METRNL: variants seen among roughly 807,000 people sequenced by gnomAD.
The protein encoded by METRNL is meteorin-like protein.
METRNL carries 9 observed loss-of-function variants against 17.4 expected under a neutral mutation model. The observed-to-expected ratio is 0.52, with a 90% CI of 0.31 to 0.90. The LOEUF (loss-of-function observed/expected upper bound fraction) is 0.90, where lower values mean the gene tolerates loss of function less well. Ranked by LOEUF, METRNL falls within the 40% of genes least tolerant of loss-of-function variation. The pLI, the probability that METRNL is intolerant of heterozygous loss-of-function variation, is 0.05. For missense variants in METRNL, 408 were observed against 430.7 expected, an observed-to-expected ratio of 0.95 and a Z score of 0.47; for synonymous variants, 215 against 199.3, an observed-to-expected ratio of 1.08 and a Z score of -0.66.
chr17:83,083,229 T>TCCCCTCGCCTGCTCAGATG (rs1193168990), intron 1 of METRNL, among the ~76,000 whole-genome samples: 1 of 152,140 alleles, frequency 6.6e-6, no homozygotes, highest in Non-Finnish European at 1.5e-5. Flanking sequence ...TTGTGGCTGT[T>TCCCCTCGCCTGCTCAGATG]CCCCTCGCCT....
chr17:83,081,155 C>T (rs1302281681), intron 1 of METRNL, among the ~76,000 whole-genome samples: 1 of 151,814 alleles, frequency 6.6e-6, no homozygotes, highest in African/African-American at 2.4e-5. Context: ...CCTTCTCGGC[C>T]GAGCGGGGCC....
intron 1 of METRNL, among the ~76,000 whole-genome samples, chr17:83,083,760 A>G (rs914911785): frequency 6.6e-6 from 1 of 152,180 alleles, no homozygotes; most frequent in African/African-American, 2.4e-5. Context: ...ACCATATGTG[A>G]TGCATTTTCT....
intron 2 of METRNL, among the ~76,000 whole-genome samples, chr17:83,091,594 C>T (rs972662988): frequency 1.3e-5 from 2 of 152,080 alleles, no homozygotes; most frequent in African/African-American, 2.4e-5. Context: ...CCCCTGGGAC[C>T]CCCAGTCACC....
intron 2 of METRNL, among the ~76,000 whole-genome samples, chr17:83,089,747 C>T (rs1263761121): frequency 6.6e-6 from 1 of 151,832 alleles, no homozygotes; most frequent in Non-Finnish European, 1.5e-5. Context: ...CGATTGTCTC[C>T]CGGCGTCCAC....
chr17:83,087,251 C>T (rs1362121081), intron 2 of METRNL, among the ~76,000 whole-genome samples: 3 of 152,178 alleles, frequency 2.0e-5, no homozygotes, highest in African/African-American at 7.2e-5. Context: ...GACCCTGCGG[C>T]ATCTGCTTAA....
chr17:83,093,345 C>A, intron 3 of METRNL, 119 bp downstream of exon 3: 1 of 819,538 alleles, frequency 1.2e-6, no homozygotes. Context: ...TGCGTGGACC[C>A]TCCTGGAGGG....
At chr17:83,085,406 G>A in intron 2 of METRNL, 83 bp downstream of exon 2, 1 of 1,461,318 alleles carries the variant, frequency 6.8e-7, no homozygotes, top group Middle Eastern at 2.5e-4. Context: ...ATTTCTTCCT[G>A]TCCCCTCGTC....
chr17:83,080,457 G>A (rs1168967098), intron 1 of METRNL, among the ~76,000 whole-genome samples: 8 of 150,258 alleles, frequency 5.3e-5, no homozygotes, highest in Non-Finnish European at 4.5e-5. Flanking sequence ...TCGGGGAGCC[G>A]CGGGCGGGCA....
At chr17:83,087,035 G>T (rs187946053) in intron 2 of METRNL, among the ~76,000 whole-genome samples, 1 of 152,254 alleles carries the variant, frequency 6.6e-6, no homozygotes, top group Non-Finnish European at 1.5e-5. Flanking sequence ...CAGGGAGGCA[G>T]CGGCCTCTTG....
chr17:83,084,441 G>T (rs2038025182), intron 1 of METRNL: 1 of 155,794 alleles, frequency 6.4e-6, no homozygotes, highest in South Asian at 2.0e-4. Context: ...CAGCCCTCGT[G>T]GTCATCTGGA....
At chr17:83,085,686 C>T (rs1442498306) in intron 2 of METRNL, among the ~76,000 whole-genome samples, 1 of 152,236 alleles carries the variant, frequency 6.6e-6, no homozygotes, top group Admixed American at 6.5e-5. Flanking sequence ...GGCCTCTCTC[C>T]CTGGAGGTGT....
rs374256280 is a variant in METRNL, at chr17:83,094,569, G to A, written c.930G>A (p.Thr310=). 7.8e-5 allele frequency: 115 copies of A among 1,466,590 alleles called. No homozygotes were observed. The highest frequency in any genetic ancestry group is 9.8e-5 in the Non-Finnish European group (108 of 1,105,596). The allele number at this position is 1,466,590 out of a possible 1,614,324, so 90.8% of individuals were successfully genotyped here. Reference sequence around the variant, plus strand: ...GGCTGAACCCTTGTGAGGTTGGCACGGACTGACTCCGTGGGCCGCTGCCCT... The same window carrying A: ...GGCTGAACCCTTGTGAGGTTGGCACAGACTGACTCCGTGGGCCGCTGCCCT... ...ERGLNPCEVG[T]D The change falls in exon 4 of 4, where the codon ACG becomes ACA. Residue 310 remains threonine (T), a synonymous_variant. Transcript: ENST00000320095.
chr17:83,084,802 A>G, intron 1 of METRNL, 136 bp from the exon 2 acceptor site: 2 of 1,148,464 alleles, frequency 1.7e-6, no homozygotes, highest in Non-Finnish European at 1.2e-6. Context: ...TCCGTGTGGC[A>G]CCTGTGGCCG....
At position 83,085,163 on chromosome 17, in the gene METRNL, A is replaced by G. The variant is rs9908756; in HGVS notation, c.396A>G (p.Pro132=). ...CTGGAGAACTGAGACTGCTGGTACCAGACGGGGACGGCAGGCCCGGCCGGG... is the reference window on the plus strand; with the variant it reads ...CTGGAGAACTGAGACTGCTGGTACCGGACGGGGACGGCAGGCCCGGCCGGG... ...EKTGELRLLV[P]DGDGRPGRVQ... Residue 132 remains proline, a synonymous_variant, in exon 2 of 4, where the codon CCA becomes CCG. Coordinates refer to ENST00000320095, the MANE Select transcript of METRNL (RefSeq NM_001004431.3). 0.64 allele frequency: 1,037,831 copies of G among 1,612,462 alleles called. 339,411 individuals carry two copies. Among genetic ancestry groups the G allele is most frequent in the East Asian group, 0.93 (41,696 of 44,848 alleles).
In METRNL at chr17:83,094,240, C is replaced by T. The variant is rs2038174262; in HGVS notation, c.617-16C>T. On this transcript the variant is annotated splice_polypyrimidine_tract_variant and intron_variant, in intron 3 of 3. Coordinates refer to ENST00000320095, the MANE Select transcript of METRNL (RefSeq NM_001004431.3). ...GCCTTTGCTCACTCCCTGTCCCCAT[C>T]TCCTTCCCCGCACAGCCGTTCGAGG... The T allele has an allele frequency of 3.2e-6, 5 of 1,547,048 alleles. No individual in the cohort carries two copies. In the Admixed American group the frequency reaches 7.2e-5, roughly 22 times the overall value.
chr17:83,079,846 C>T lies in METRNL; in HGVS notation c.31C>T (p.Arg11Cys). The T allele has an allele frequency of 1.0e-6, 1 of 971,184 alleles. No homozygotes were observed. The highest frequency in any genetic ancestry group is 1.2e-6 in the Non-Finnish European group (1 of 822,274). 60.2% of individuals were successfully genotyped at this position (971,184 alleles called of 1,614,324 possible). ...GGGCGCGGCGCGGGCGGCCTGGGGG[C>T]GCGCGGGGCAGCCGTGGCCGCGACC... MRGAARAAWG[R>C]AGQPWPRPPA... The change falls in exon 1 of 4, where the codon CGC (arginine) becomes TGC (cysteine). Residue 11 changes from arginine to cysteine, a missense_variant. Transcript: ENST00000320095.
intron 3 of METRNL, among the ~76,000 whole-genome samples, chr17:83,093,891 C>T (rs1295351419): frequency 2.0e-5 from 3 of 152,196 alleles, no homozygotes; most frequent in Non-Finnish European, 2.9e-5. Context: ...AAGTGTGGCG[C>T]GAAGGCTGTC....
chr17:83,085,144 A>G lies in METRNL; in HGVS notation c.377A>G (p.Glu126Gly), dbSNP rs1407324149. 27 of 1,613,236 alleles carry G rather than the reference A, an allele frequency of 1.7e-5. No individual in the cohort carries two copies. The highest frequency in any genetic ancestry group is 2.3e-5 in the Non-Finnish European group (27 of 1,179,878). ...GANIYLEKTG[E>G]LRLLVPDGDG... ...AATATTTATTTGGAAAAAACTGGAGAACTGAGACTGCTGGTACCAGACGGG... is the reference window on the plus strand; with the variant it reads ...AATATTTATTTGGAAAAAACTGGAGGACTGAGACTGCTGGTACCAGACGGG... Residue 126 changes from glutamate (E) to glycine (G), a missense_variant, in exon 2 of 4, where the codon GAA (glutamate) becomes GGA (glycine). Coordinates refer to ENST00000320095, the MANE Select transcript of METRNL (RefSeq NM_001004431.3).
intron 2 of METRNL, among the ~76,000 whole-genome samples, chr17:83,090,676 C>T (rs763316995): frequency 2.6e-4 from 39 of 151,120 alleles, no homozygotes; most frequent in East Asian, 2.0e-4. Flanking sequence ...GGGGTCACCA[C>T]GCTTCTGTCG....
Sources: gnomAD v4.1 joint callset for allele counts (sites outside exome capture counted in the v4.1 genomes callset) on GRCh38, gnomAD v4.1.1 for gene constraint, MANE v1.5 for transcripts, NCBI Gene and HGNC (gene_info 2026-07-23, HGNC 2026-07-21) for gene names.